KBTBD11: variants seen among roughly 807,000 people sequenced by gnomAD.
The protein encoded by KBTBD11 is kelch repeat and BTB domain containing 11.
For missense variants in KBTBD11, 1,390 were observed against 1,001.8 expected (o/e 1.39, Z -5.23); for synonymous variants, 747 against 499.0 (o/e 1.50, Z -6.63).
At position 2,003,274 on chromosome 8, in the gene KBTBD11, AC is replaced by A; in HGVS notation, c.*213del. 1 of 711,902 alleles carries A rather than the reference AC, an allele frequency of 1.4e-6. No homozygotes were observed. The highest frequency in any genetic ancestry group is 2.0e-6 in the Non-Finnish European group (1 of 504,730). The allele number at this position is 711,902 out of a possible 1,614,324, so 44.1% of individuals were successfully genotyped here. On this transcript the variant is annotated 3_prime_UTR_variant, in exon 2 of 2. Transcript: ENST00000320248. ...TGCTTCTGGGGGTGGATGCCTTGAG[AC>A]CCAGGAGGTGTGCGGATGGGTCCCT...
chr8:2,001,770 G>A lies in KBTBD11; in HGVS notation c.578G>A (p.Ser193Asn). ...ALRLLLADAY[S>N]GRMAGVRPDN... ...CGGCTGCTCCTCGCCGACGCCTACA[G>A]CGGGCGCATGGCGGGCGTGCGGCCC... Residue 193 changes from serine (S) to asparagine (N), a missense_variant, in exon 2 of 2, where the codon AGC (serine) becomes AAC (asparagine). Coordinates refer to ENST00000320248, the MANE Select transcript of KBTBD11 (RefSeq NM_014867.3). 7.8e-7 allele frequency: 1 copy of A among 1,286,436 alleles called. No homozygotes were observed. Among genetic ancestry groups the A allele is most frequent in the Non-Finnish European group, 9.8e-7 (1 of 1,019,684 alleles). 79.7% of individuals were successfully genotyped at this position (1,286,436 alleles called of 1,614,324 possible). A position where few individuals can be genotyped will look rare whatever the true frequency, so the allele number is the denominator to read the frequency against.
chr8:2,002,794 G>C lies in KBTBD11; in HGVS notation c.1602G>C (p.Trp534Cys). 6.9e-7 allele frequency: 1 copy of C among 1,455,668 alleles called. No individual in the cohort carries two copies. The highest frequency in any genetic ancestry group is 9.0e-7 in the Non-Finnish European group (1 of 1,112,372). The allele number at this position is 1,455,668 out of a possible 1,614,324, so 90.2% of individuals were successfully genotyped here. Residue 534 changes from tryptophan (W) to cysteine (C), a missense_variant, in exon 2 of 2, where the codon TGG becomes TGC. By Grantham distance (215) the Trp-to-Cys change is radical (BLOSUM62 -2). Coordinates refer to ENST00000320248, the MANE Select transcript of KBTBD11 (RefSeq NM_014867.3). This position sits in a 1 kb window ranked among gnomAD's most constrained non-coding sequence, Gnocchi z 4.1. ...VSRYHCLAKQWSPCVAPLRLP... is the reference protein window; with the variant it reads ...VSRYHCLAKQCSPCVAPLRLP... ...GATACCACTGCCTGGCCAAGCAGTG[G>C]AGCCCGTGCGTCGCGCCCCTGCGCC...
chr8:1,991,546 T>C lies in KBTBD11; in HGVS notation c.-908-8739T>C, dbSNP rs1219214904. ...GAGCTTTCCCTCGATTCCAGCTCTGTGATCCATGAGGGCAGGGCCCTTGCT... is the reference window on the plus strand; with the variant it reads ...GAGCTTTCCCTCGATTCCAGCTCTGCGATCCATGAGGGCAGGGCCCTTGCT... On this transcript the variant is annotated intron_variant, in intron 1 of 1. Coordinates refer to ENST00000320248, the MANE Select transcript of KBTBD11 (RefSeq NM_014867.3). Among the ~76,000 whole-genome samples the C allele has an allele frequency of 2.0e-3, 311 of 152,116 alleles. 4 individuals carry two copies. The highest frequency in any genetic ancestry group is 7.1e-3 in the African/African-American group (294 of 41,346).
Position 2,004,580 on chromosome 8 carries a change from C to T in KBTBD11, c.*1516C>T, listed in dbSNP as rs1274977686. 3 of 167,024 alleles carry T rather than the reference C, an allele frequency of 1.8e-5. No homozygotes were observed. Among genetic ancestry groups the T allele is most frequent in the Non-Finnish European group, 4.4e-5 (3 of 68,114 alleles). The allele number at this position is 167,024 out of a possible 1,614,324, so 10.3% of individuals were successfully genotyped here. A position where few individuals can be genotyped will look rare whatever the true frequency, so the allele number is the denominator to read the frequency against. ...TAAAGAGTCTGTGGTTATGAGAGGT[C>T]TCAGTTAAGTGTGTTTAGAAGTGAT... On this transcript the variant is annotated 3_prime_UTR_variant, in exon 2 of 2. Coordinates refer to ENST00000320248, the MANE Select transcript of KBTBD11 (RefSeq NM_014867.3).
chr8:1,998,973 C>G (rs1470911486), intron 1 of KBTBD11, among the ~76,000 whole-genome samples: 2 of 152,202 alleles, frequency 1.3e-5, no homozygotes, highest in Non-Finnish European at 2.9e-5. Context: ...GTGGGCATGG[C>G]TGGGTGAACA....
chr8:1,993,456 A>G (rs1168448216), intron 1 of KBTBD11, among the ~76,000 whole-genome samples: 5 of 127,018 alleles, frequency 3.9e-5, no homozygotes, highest in East Asian at 2.3e-4. Context: ...TATCCATCCA[A>G]TCACCCATCT....
intron 1 of KBTBD11, among the ~76,000 whole-genome samples, chr8:1,981,102 A>C (rs1182586362): frequency 6.6e-6 from 1 of 152,190 alleles, no homozygotes; most frequent in East Asian, 1.9e-4. Flanking sequence ...TCATAGCAGA[A>C]ACCTAACAGG....
At chr8:1,998,373 A>G (rs1287749245) in intron 1 of KBTBD11, among the ~76,000 whole-genome samples, 2 of 152,162 alleles carry the variant, frequency 1.3e-5, no homozygotes, top group Non-Finnish European at 2.9e-5. Context: ...AATTGTAGTT[A>G]TAACAAAATG....
At chr8:1,974,560 G>A (rs1408933924) in intron 1 of KBTBD11, 2 of 985,042 alleles carry the variant, frequency 2.0e-6, no homozygotes, top group African/African-American at 3.5e-5. Flanking sequence ...GGGGTGCGGG[G>A]GTGTCCTGGC....
intron 1 of KBTBD11, among the ~76,000 whole-genome samples, chr8:1,997,009 C>T (rs1230235232): frequency 3.9e-5 from 6 of 152,024 alleles, no homozygotes; most frequent in Admixed American, 3.3e-4. Context: ...GTCTCCCCCG[C>T]GCGCCCCCCG....
intron 1 of KBTBD11, among the ~76,000 whole-genome samples, chr8:1,990,422 G>T (rs1363312313): frequency 7.4e-6 from 1 of 136,042 alleles, no homozygotes; most frequent in Non-Finnish European, 1.6e-5. Context: ...GGGCCTTGGC[G>T]CCCTGTCCGG....
At position 1,974,247 on chromosome 8, in the gene KBTBD11, C is replaced by T. The variant is rs1214055646; in HGVS notation, c.-909+312C>T. The T allele has an allele frequency of 1.2e-5, 12 of 965,550 alleles. No individual in the cohort carries two copies. In the African/African-American group the frequency reaches 1.4e-4, roughly 11 times the overall value. The allele number at this position is 965,550 out of a possible 1,614,324, so 59.8% of individuals were successfully genotyped here. On this transcript the variant is annotated intron_variant, in intron 1 of 1. Coordinates refer to ENST00000320248, the MANE Select transcript of KBTBD11 (RefSeq NM_014867.3). ...GGCCGCGTGGGGGGCGTGGGGGCCT[C>T]CTCGCGGGGTCTCCACAGGCCCTCC...
At position 2,001,061 on chromosome 8, in the gene KBTBD11, C is replaced by G. The variant is rs992656800; in HGVS notation, c.-132C>G. On this transcript the variant is annotated 5_prime_UTR_variant, in exon 2 of 2. Transcript: ENST00000320248. ...CACACACAACAACAAAGCGTGGACA[C>G]ACAGAAGTGAAATCTGATCGCGTGC... 2 of 1,185,104 alleles carry G rather than the reference C, an allele frequency of 1.7e-6. No individual in the cohort carries two copies. The highest frequency in any genetic ancestry group is 2.1e-6 in the Non-Finnish European group (2 of 936,708). 73.4% of individuals were successfully genotyped at this position (1,185,104 alleles called of 1,614,324 possible).
intron 1 of KBTBD11, chr8:1,974,520 C>A (rs1816254348): frequency 2.0e-6 from 2 of 985,026 alleles, no homozygotes; most frequent in Non-Finnish European, 2.4e-6. Context: ...GGGAGGGGAG[C>A]GCGGCCCTTG....
intron 1 of KBTBD11, among the ~76,000 whole-genome samples, chr8:1,992,189 G>C (rs969656340): frequency 2.6e-5 from 4 of 152,144 alleles, no homozygotes; most frequent in East Asian, 1.9e-4. Context: ...CTGAAGGGGA[G>C]CACGGGTGAG....
At chr8:1,993,701 G>A (rs1036784437) in intron 1 of KBTBD11, among the ~76,000 whole-genome samples, 4 of 151,832 alleles carry the variant, frequency 2.6e-5, no homozygotes, top group Non-Finnish European at 4.4e-5. Flanking sequence ...CTCCCTATCT[G>A]TAATGATACT....
At chr8:1,990,397 C>T (rs575209113) in intron 1 of KBTBD11, among the ~76,000 whole-genome samples, 26 of 133,108 alleles carry the variant, frequency 2.0e-4, no homozygotes, top group African/African-American at 6.9e-4. Context: ...GCGCCCTGTC[C>T]GGGTAGGTGC....
intron 1 of KBTBD11, chr8:1,975,793 T>C (rs34777077): frequency 0.15 from 22,082 of 152,220 alleles, 1,770 homozygotes; most frequent in Middle Eastern, 0.25. Context: ...AGCACCTTGC[T>C]CTGGGTGGAT....
rs1172146106 is a variant in KBTBD11, at chr8:2,005,644, G to A, written c.*2580G>A. The A allele has an allele frequency of 6.0e-6, 1 of 167,092 alleles. No homozygotes were observed. Among genetic ancestry groups the A allele is most frequent in the Admixed American group, 6.5e-5 (1 of 15,286 alleles). 10.4% of individuals were successfully genotyped at this position (167,092 alleles called of 1,614,324 possible). A position where few individuals can be genotyped will look rare whatever the true frequency, so the allele number is the denominator to read the frequency against. On this transcript the variant is annotated 3_prime_UTR_variant, in exon 2 of 2. Coordinates refer to ENST00000320248, the MANE Select transcript of KBTBD11 (RefSeq NM_014867.3). ...TCCAACACTGTGTAGGAAAAAGGTTGGTGCAAAAATATTCCTGGTCATCCA... is the reference window on the plus strand; with the variant it reads ...TCCAACACTGTGTAGGAAAAAGGTTAGTGCAAAAATATTCCTGGTCATCCA...
Sources: gnomAD v4.1 joint callset for allele counts (sites outside exome capture counted in the v4.1 genomes callset) on GRCh38, gnomAD v4.1.1 for gene constraint, Gnocchi (gnomAD v3.1) non-coding constraint, MANE v1.5 for transcripts, NCBI Gene and HGNC (gene_info 2026-07-23, HGNC 2026-07-21) for gene names.